PCDHGC4: variants seen among roughly 807,000 people sequenced by gnomAD.
The protein encoded by PCDHGC4 is protocadherin gamma-C4.
A neutral mutation model predicts 59.7 loss-of-function variants in PCDHGC4; 15 were observed. The observed-to-expected ratio is 0.25, with a 90% CI of 0.17 to 0.39. The LOEUF (loss-of-function observed/expected upper bound fraction) is 0.39. Among genes scored for constraint, PCDHGC4 ranks in the 10% least tolerant of loss-of-function variants. PCDHGC4 has a pLI of 1.00. For synonymous variants in PCDHGC4, 434 were observed against 481.4 expected (o/e 0.90, Z 1.29); for missense variants, 1,016 against 1,189.5 (o/e 0.85, Z 2.15).
chr5:141,486,146 G>T lies in PCDHGC4; in HGVS notation c.973G>T (p.Gly325Trp). ...YYEFDVRARD[G>W]GSPAMEQHCS... Reference sequence around the variant, plus strand: ...TGAATTTGATGTGCGGGCTCGCGATGGGGGTTCTCCAGCCATGGAGCAACA... The same window carrying T: ...TGAATTTGATGTGCGGGCTCGCGATTGGGGTTCTCCAGCCATGGAGCAACA... The change falls in exon 1 of 4, where the codon GGG becomes TGG. Residue 325 changes from glycine (G) to tryptophan (W), a missense_variant. Physicochemically the swap from Gly to Trp is radical, Grantham distance 184. Transcript: ENST00000306593. The surrounding 1 kb of genome is among the most constrained non-coding windows in gnomAD (Gnocchi z 5.0). 6.2e-7 allele frequency: 1 copy of T among 1,614,184 alleles called. No homozygotes were observed. The highest frequency in any genetic ancestry group is 8.5e-7 in the Non-Finnish European group (1 of 1,180,032).
At position 141,490,502 on chromosome 5, in the gene PCDHGC4, T is replaced by C. The variant is rs1408615048; in HGVS notation, c.2442+2887T>C. On this transcript the variant is annotated intron_variant, in intron 1 of 3. Transcript: ENST00000306593. The surrounding 1 kb of genome is among the most constrained non-coding windows in gnomAD (Gnocchi z 5.4). Reference sequence around the variant, plus strand: ...GACCGGGAGGCCACATCCCACTATATCATCGAGCTGCTGGCCAGCGATGCT... The same window carrying C: ...GACCGGGAGGCCACATCCCACTATACCATCGAGCTGCTGGCCAGCGATGCT... 1.2e-6 allele frequency: 2 copies of C among 1,614,094 alleles called. No individual in the cohort carries two copies. The highest frequency in any genetic ancestry group is 1.1e-5 in the South Asian group (1 of 91,076).
In PCDHGC4 at chr5:141,489,203, C is replaced by A; in HGVS notation, c.2442+1588C>A. On this transcript the variant is annotated intron_variant, in intron 1 of 3. Transcript: ENST00000306593. The surrounding 1 kb of genome is among the most constrained non-coding windows in gnomAD (Gnocchi z 4.5). ...CCCTGGGTCTACCTTGGAGACAGGA[C>A]AGCACAGACTTACTCTCCACAAAGG... is the stretch of plus-strand genomic sequence containing the variant. 7.1e-7 allele frequency: 1 copy of A among 1,414,834 alleles called. No individual in the cohort carries two copies. Among genetic ancestry groups the A allele is most frequent in the Non-Finnish European group, 9.6e-7 (1 of 1,040,052 alleles). The allele number at this position is 1,414,834 out of a possible 1,614,324, so 87.6% of individuals were successfully genotyped here.
intron 2 of PCDHGC4, among the ~76,000 whole-genome samples, chr5:141,501,102 C>G (rs951290710): frequency 2.0e-5 from 3 of 152,014 alleles, no homozygotes; most frequent in African/African-American, 4.8e-5. Flanking sequence ...CTCTTGACCT[C>G]GTGATCCGCC....
Position 141,487,007 on chromosome 5 carries a change from G to C in PCDHGC4, c.1834G>C (p.Glu612Gln), listed in dbSNP as rs563548715. Residue 612 changes from glutamate (E) to glutamine (Q), a missense_variant, in exon 1 of 4, where the codon GAG becomes CAG. Glu to Gln is a conservative substitution (Grantham distance 29, BLOSUM62 2). Transcript: ENST00000306593. This position sits in a 1 kb window ranked among gnomAD's most constrained non-coding sequence, Gnocchi z 5.0. Reference protein sequence around the residue: ...YNAWVSYQLLEAPDPSLFAVS... With the variant: ...YNAWVSYQLLQAPDPSLFAVS... ...TGCTTGGGTTTCCTATCAGCTCCTG[G>C]AGGCCCCAGATCCCAGCCTGTTTGC... The C allele has an allele frequency of 6.2e-7, 1 of 1,614,206 alleles. No individual in the cohort carries two copies. Among genetic ancestry groups the C allele is most frequent in the Non-Finnish European group, 8.5e-7 (1 of 1,180,042 alleles).
In PCDHGC4 at chr5:141,493,985, C is replaced by A. The variant is rs1444608753; in HGVS notation, c.2443-822C>A. On this transcript the variant is annotated intron_variant, in intron 1 of 3. Coordinates refer to ENST00000306593, the MANE Select transcript of PCDHGC4 (RefSeq NM_018928.3). This position sits in a 1 kb window ranked among gnomAD's most constrained non-coding sequence, Gnocchi z 4.3. ...GCTGGCCAGAGCCCCACACCTTCAGCTAGGTGGGAGATGGCTACACATCAG... is the reference window on the plus strand; with the variant it reads ...GCTGGCCAGAGCCCCACACCTTCAGATAGGTGGGAGATGGCTACACATCAG... Among the ~76,000 whole-genome samples the A allele has an allele frequency of 6.6e-6, 1 of 152,196 alleles. No individual in the cohort carries two copies. The highest frequency in any genetic ancestry group is 1.5e-5 in the Non-Finnish European group (1 of 68,032).
chr5:141,505,618 A>G, intron 3 of PCDHGC4, 137 bp downstream of exon 3: 6 of 1,496,136 alleles, frequency 4.0e-6, no homozygotes, highest in Non-Finnish European at 5.4e-6. Flanking sequence ...GAAAGGACCC[A>G]CAATTCCAAA....
At chr5:141,494,724 T>C in intron 1 of PCDHGC4, 83 bp from the exon 2 acceptor site, 1 of 1,606,108 alleles carries the variant, frequency 6.2e-7, no homozygotes, top group South Asian at 1.1e-5. Flanking sequence ...CCCCTCCTTC[T>C]CTCCCGGCCC....
chr5:141,501,132 G>T (rs371444727), intron 2 of PCDHGC4, among the ~76,000 whole-genome samples: 2 of 152,262 alleles, frequency 1.3e-5, no homozygotes, highest in East Asian at 3.9e-4. Flanking sequence ...CTCCCTAAGT[G>T]CTGGGATTAC....
At position 141,512,815 on chromosome 5, in the gene PCDHGC4, A is replaced by AC. The variant is rs1215322144; in HGVS notation, c.*1647dup. ...TGTGCTGTGTCCACGCGCTAAGGCG[A>AC]CCCCCTCCCCCGTACTGACTTCTCC... is the stretch of plus-strand genomic sequence containing the variant. On this transcript the variant is annotated 3_prime_UTR_variant, in exon 4 of 4. Coordinates refer to ENST00000306593, the MANE Select transcript of PCDHGC4 (RefSeq NM_018928.3). The AC allele has an allele frequency of 6.7e-6, 1 of 149,682 alleles. No homozygotes were observed. The highest frequency in any genetic ancestry group is 1.5e-5 in the Non-Finnish European group (1 of 67,474). 9.3% of individuals were successfully genotyped at this position (149,682 alleles called of 1,614,324 possible).
rs758782567 is a variant in PCDHGC4, at chr5:141,486,792, G to A, written c.1619G>A (p.Arg540Gln). ...TLQFEVQARD[R>Q]GNPPLSSTVT... ...CAGTTTGAGGTGCAGGCCCGGGATCGGGGCAACCCACCCCTTAGCAGCACT... is the reference window on the plus strand; with the variant it reads ...CAGTTTGAGGTGCAGGCCCGGGATCAGGGCAACCCACCCCTTAGCAGCACT... Residue 540 changes from arginine to glutamine, a missense_variant, in exon 1 of 4, where the codon CGG (arginine) becomes CAG (glutamine). Coordinates refer to ENST00000306593, the MANE Select transcript of PCDHGC4 (RefSeq NM_018928.3). This position sits in a 1 kb window ranked among gnomAD's most constrained non-coding sequence, Gnocchi z 5.0. The A allele has an allele frequency of 3.7e-5, 59 of 1,614,094 alleles. No homozygotes were observed. The Middle Eastern group carries it at 4.9e-4, about 13-fold the overall frequency.
chr5:141,510,898 T>G (rs1393880610), intron 3 of PCDHGC4, 49 bp from the exon 4 acceptor site: 1 of 1,613,278 alleles, frequency 6.2e-7, no homozygotes, highest in East Asian at 2.2e-5. Context: ...ACAGTGACTG[T>G]TGAGGACCCT....
In PCDHGC4 at chr5:141,491,681, C is replaced by A; in HGVS notation, c.2443-3126C>A. The A allele has an allele frequency of 6.2e-7, 1 of 1,613,458 alleles. No individual in the cohort carries two copies. Among genetic ancestry groups the A allele is most frequent in the Non-Finnish European group, 8.5e-7 (1 of 1,179,804 alleles). ...GACGCCATCCGGTCCCGCTCTAATA[C>A]GCTGCGGGAGCGGAGCCAGGTGAGG... On this transcript the variant is annotated intron_variant, in intron 1 of 3. Coordinates refer to ENST00000306593, the MANE Select transcript of PCDHGC4 (RefSeq NM_018928.3). This position sits in a 1 kb window ranked among gnomAD's most constrained non-coding sequence, Gnocchi z 6.9.
Position 141,487,070 on chromosome 5 carries a change from C to A in PCDHGC4, c.1897C>A (p.Pro633Thr), listed in dbSNP as rs1365482479. The A allele has an allele frequency of 6.2e-7, 1 of 1,614,036 alleles. No individual in the cohort carries two copies. The highest frequency in any genetic ancestry group is 8.5e-7 in the Non-Finnish European group (1 of 1,180,016). ...RYAGEVRTAV[P>T]IPADLPPQKL... ...TGCTGGGGAGGTGCGGACGGCTGTT[C>A]CTATCCCAGCTGACCTCCCACCACA... is the stretch of plus-strand genomic sequence containing the variant. Residue 633 changes from proline to threonine, a missense_variant, in exon 1 of 4, where the codon CCT (proline) becomes ACT (threonine). Coordinates refer to ENST00000306593, the MANE Select transcript of PCDHGC4 (RefSeq NM_018928.3). The surrounding 1 kb of genome is among the most constrained non-coding windows in gnomAD (Gnocchi z 5.0).
At position 141,512,161 on chromosome 5, in the gene PCDHGC4, G is replaced by A. The variant is rs1176664723; in HGVS notation, c.*988G>A. On this transcript the variant is annotated 3_prime_UTR_variant, in exon 4 of 4. Transcript: ENST00000306593. ...AGCCAGCTTTGGGCTGAGCTAACAGGACCAATGGATTAAACTGGCATTTCA... is the reference window on the plus strand; with the variant it reads ...AGCCAGCTTTGGGCTGAGCTAACAGAACCAATGGATTAAACTGGCATTTCA... The A allele has an allele frequency of 6.5e-6, 1 of 152,704 alleles. No homozygotes were observed. Among genetic ancestry groups the A allele is most frequent in the African/African-American group, 2.4e-5 (1 of 41,440 alleles). 9.5% of individuals were successfully genotyped at this position (152,704 alleles called of 1,614,324 possible). A position where few individuals can be genotyped will look rare whatever the true frequency, so the allele number is the denominator to read the frequency against.
intron 2 of PCDHGC4, among the ~76,000 whole-genome samples, chr5:141,498,747 C>T (rs1363145286): frequency 6.6e-6 from 1 of 152,106 alleles, no homozygotes; most frequent in Non-Finnish European, 1.5e-5. Context: ...GCCTGGCCAA[C>T]ATGATGAAAC....
Position 141,511,267 on chromosome 5 carries a change from C to T in PCDHGC4, c.*94C>T, listed in dbSNP as rs1223074819. 1.3e-6 allele frequency: 2 copies of T among 1,549,404 alleles called. No homozygotes were observed. Among genetic ancestry groups the T allele is most frequent in the Non-Finnish European group, 1.7e-6 (2 of 1,146,836 alleles). On this transcript the variant is annotated 3_prime_UTR_variant, in exon 4 of 4. Transcript: ENST00000306593. ...CCAGGCCTCAGAGTTTCAGGGCTAA[C>T]CCCCAGAATACTGGTAGGGGCCAAG...
chr5:141,488,915 G>A (rs942297924), intron 1 of PCDHGC4, among the ~76,000 whole-genome samples: 12 of 152,180 alleles, frequency 7.9e-5, no homozygotes, highest in Non-Finnish European at 2.9e-5. Flanking sequence ...TGTTCCCAAG[G>A]TTTCCAGGAT....
chr5:141,500,403 G>GT (rs2099800018), intron 2 of PCDHGC4, among the ~76,000 whole-genome samples: 1 of 151,706 alleles, frequency 6.6e-6, no homozygotes, highest in Non-Finnish European at 1.5e-5. Context: ...TAGAGACGGG[G>GT]TTTCACCGTG....
Position 141,511,376 on chromosome 5 carries a change from G to C in PCDHGC4, c.*203G>C. ...CCAGGGGGTTGAATATGCAAAAGCA[G>C]TTCCGCTGGGAACCCCCATCCAATC... On this transcript the variant is annotated 3_prime_UTR_variant, in exon 4 of 4. Coordinates refer to ENST00000306593, the MANE Select transcript of PCDHGC4 (RefSeq NM_018928.3). 1 of 1,211,520 alleles carries C rather than the reference G, an allele frequency of 8.3e-7. No homozygotes were observed. The allele number at this position is 1,211,520 out of a possible 1,614,324, so 75.0% of individuals were successfully genotyped here.
Sources: allele counts gnomAD v4.1 joint callset (sites outside exome capture counted in the v4.1 genomes callset), GRCh38; gene constraint gnomAD v4.1.1; non-coding constraint Gnocchi (gnomAD v3.1); transcripts MANE v1.5; gene names NCBI Gene and HGNC (gene_info 2026-07-23, HGNC 2026-07-21).